Variants in RPS6KA5 observed in about 807,000 individuals in gnomAD.
The protein encoded by RPS6KA5 is ribosomal protein S6 kinase A5.
In RPS6KA5, 27 loss-of-function variants were observed where a neutral mutation model predicts 85.5. That is an observed-to-expected ratio of 0.32 (90% confidence interval 0.23 to 0.44). RPS6KA5 has a LOEUF of 0.44. Ranked by LOEUF, RPS6KA5 falls within the 20% of genes least tolerant of loss-of-function variation. RPS6KA5 has a pLI of 1.00. For synonymous variants in RPS6KA5, 334 were observed against 348.2 expected, an observed-to-expected ratio of 0.96 and a Z score of 0.46; for missense variants, 811 against 980.9, an observed-to-expected ratio of 0.83 and a Z score of 2.31.
chr14:90,987,690 C>T (rs1283201162), intron 2 of RPS6KA5, among the ~76,000 whole-genome samples: 1 of 151,568 alleles, frequency 6.6e-6, no homozygotes, highest in Non-Finnish European at 1.5e-5. Context: ...TAGATGACAG[C>T]AGCAGCAGCC....
At chr14:90,886,195 G>T (rs1227711496) in intron 14 of RPS6KA5, among the ~76,000 whole-genome samples, 1 of 152,034 alleles carries the variant, frequency 6.6e-6, no homozygotes, top group Non-Finnish European at 1.5e-5. Flanking sequence ...AAAAGGAAAT[G>T]CAGCAAAATG....
intron 1 of RPS6KA5, among the ~76,000 whole-genome samples, chr14:91,025,259 G>T (rs1334071213): frequency 6.6e-6 from 1 of 152,278 alleles, no homozygotes; most frequent in African/African-American, 2.4e-5. Flanking sequence ...GGTCAGGCTG[G>T]TCTTGAACTC....
Position 90,871,774 on chromosome 14 carries a change from C to T in RPS6KA5, c.*300G>A, listed in dbSNP as rs1429178781. 4.4e-6 allele frequency: 1 copy of T among 229,624 alleles called. No individual in the cohort carries two copies. The highest frequency in any genetic ancestry group is 8.5e-6 in the Non-Finnish European group (1 of 117,050). 14.2% of individuals were successfully genotyped at this position (229,624 alleles called of 1,614,324 possible). A position where few individuals can be genotyped will look rare whatever the true frequency, so the allele number is the denominator to read the frequency against. On this transcript the variant is annotated 3_prime_UTR_variant, in exon 17 of 17. Coordinates refer to ENST00000614987, the MANE Select transcript of RPS6KA5 (RefSeq NM_004755.4). ...TGGCAGACATCTGGAAAACCTGTGA[C>T]TTACAAGCAGCTCAAATCTAGCCCT...
At chr14:90,913,191 G>A (rs1385322062) in intron 7 of RPS6KA5, among the ~76,000 whole-genome samples, 10 of 151,944 alleles carry the variant, frequency 6.6e-5, no homozygotes, top group Non-Finnish European at 1.5e-4. Context: ...GATTATAGGC[G>A]TGTGAGCCAC....
At chr14:90,880,156 CATTTTTAAGTGT>C (rs1266107676) in intron 14 of RPS6KA5, among the ~76,000 whole-genome samples, 2 of 152,132 alleles carry the variant, frequency 1.3e-5, no homozygotes, top group African/African-American at 4.8e-5. Context: ...CCATGTTAAC[CATTTTTAAGTGT>C]ATAGTTCGAT....
chr14:91,003,812 C>A (rs149276545), intron 1 of RPS6KA5, among the ~76,000 whole-genome samples: 227 of 152,300 alleles, frequency 1.5e-3, no homozygotes, highest in African/African-American at 4.8e-3. Context: ...AAGAGCTTAG[C>A]CCTGGGCTTA....
At chr14:91,023,389 C>T (rs182206713) in intron 1 of RPS6KA5, among the ~76,000 whole-genome samples, 1 of 151,628 alleles carries the variant, frequency 6.6e-6, no homozygotes, top group Non-Finnish European at 1.5e-5. Context: ...TGGGTTCAAG[C>T]GATTCTCCTG....
At chr14:91,003,137 T>C (rs1009440646) in intron 1 of RPS6KA5, among the ~76,000 whole-genome samples, 5 of 152,168 alleles carry the variant, frequency 3.3e-5, no homozygotes, top group Non-Finnish European at 5.9e-5. Context: ...TAAAGAGTCA[T>C]GTGTCAAAAA....
intron 7 of RPS6KA5, among the ~76,000 whole-genome samples, chr14:90,910,130 A>G (rs954546824): frequency 6.6e-6 from 1 of 152,188 alleles, no homozygotes; most frequent in Non-Finnish European, 1.5e-5. Context: ...AAAGGCCACA[A>G]ATGTTGGGGA....
rs776943706 is a variant in RPS6KA5 at position 90,906,160 on chromosome 14, G to C, written c.946C>G (p.Leu316Val). The C allele has an allele frequency of 6.2e-7, 1 of 1,601,116 alleles. No homozygotes were observed. Among genetic ancestry groups the C allele is most frequent in the South Asian group, 1.1e-5 (1 of 89,804 alleles). Residue 316 changes from leucine (L) to valine (V), a missense_variant, in exon 8 of 17, where the codon CTC (leucine) becomes GTC (valine). This residue lies in a region of RPS6KA5 where 650 missense variants were observed against 793.4 expected (regional missense o/e 0.82). Transcript: ENST00000614987. Reference sequence around the variant, plus strand: ...TTCAATAATTTCACCTGAAAGAAGAGATGTTCTTTGATTTCATCTGCATCA... The same window carrying C: ...TTCAATAATTTCACCTGAAAGAAGACATGTTCTTTGATTTCATCTGCATCA... ...PRDADEIKEHLFFQKINWDDL... is the reference protein window; with the variant it reads ...PRDADEIKEHVFFQKINWDDL...
intron 14 of RPS6KA5, among the ~76,000 whole-genome samples, chr14:90,880,716 G>T (rs1252255991): frequency 6.6e-6 from 1 of 151,754 alleles, no homozygotes; most frequent in Non-Finnish European, 1.5e-5. Flanking sequence ...TTTGCTTCAT[G>T]TACTTTACTG....
intron 1 of RPS6KA5, among the ~76,000 whole-genome samples, chr14:91,003,728 G>A (rs1445231571): frequency 3.3e-5 from 5 of 152,174 alleles, no homozygotes; most frequent in Non-Finnish European, 7.3e-5. Flanking sequence ...TGGCTGGTAG[G>A]TAAGGCAGAG....
At chr14:90,930,338 C>A (rs2036909870) in intron 5 of RPS6KA5, among the ~76,000 whole-genome samples, 1 of 152,110 alleles carries the variant, frequency 6.6e-6, no homozygotes, top group Non-Finnish European at 1.5e-5. Flanking sequence ...GACTAGTCAA[C>A]AAATACTTAA....
intron 12 of RPS6KA5, among the ~76,000 whole-genome samples, chr14:90,897,922 A>G (rs1443249478): frequency 6.6e-6 from 1 of 152,058 alleles, no homozygotes; most frequent in East Asian, 1.9e-4. Flanking sequence ...TGGCCAGGGG[A>G]CTCATTACCT....
chr14:90,955,320 T>C (rs2038442340), intron 3 of RPS6KA5, among the ~76,000 whole-genome samples: 1 of 152,186 alleles, frequency 6.6e-6, no homozygotes, highest in African/African-American at 2.4e-5. Context: ...CAGGCTGCAG[T>C]GCAGTGGTGT....
rs554626346 is a variant in RPS6KA5, at chr14:91,015,117, T to C, written c.104-13958A>G. Among the ~76,000 whole-genome samples the C allele has an allele frequency of 1.6e-4, 24 of 152,268 alleles. No homozygotes were observed. The South Asian group carries it at 4.8e-3, about 30-fold the overall frequency. On this transcript the variant is annotated intron_variant, in intron 1 of 16. Transcript: ENST00000614987. ...AAGATTTAGGGAGCAACAGAGTAAATCAAAAGGATTGCACAGAGGTTTTTA... is the reference window on the plus strand; with the variant it reads ...AAGATTTAGGGAGCAACAGAGTAAACCAAAAGGATTGCACAGAGGTTTTTA...
chr14:90,906,329 C>T (rs1199288801), intron 7 of RPS6KA5, 30 bp from the exon 8 acceptor site: 1 of 1,405,456 alleles, frequency 7.1e-7, no homozygotes, highest in Admixed American at 2.3e-5. Flanking sequence ...GCTGTTAAAA[C>T]AAACAGGATG....
intron 3 of RPS6KA5, among the ~76,000 whole-genome samples, chr14:90,959,080 A>G (rs964123126): frequency 3.3e-5 from 5 of 152,118 alleles, no homozygotes; most frequent in Non-Finnish European, 5.9e-5. Flanking sequence ...AAAGGAGATC[A>G]AGTGGCTAGA....
At chr14:90,967,392 A>G (rs1408082937) in intron 3 of RPS6KA5, among the ~76,000 whole-genome samples, 1 of 152,078 alleles carries the variant, frequency 6.6e-6, no homozygotes, top group Non-Finnish European at 1.5e-5. Context: ...TACAGTAGGC[A>G]TTTGTTAAAT....
Sources: gnomAD v4.1 joint callset for allele counts (sites outside exome capture counted in the v4.1 genomes callset) on GRCh38, gnomAD v4.1.1 for gene constraint, gnomAD v4.1.1 regional missense constraint, MANE v1.5 for transcripts, NCBI Gene and HGNC (gene_info 2026-07-23, HGNC 2026-07-21) for gene names.